PVT1: variants seen among roughly 807,000 people sequenced by gnomAD.
PVT1 encodes the protein Pvt1 oncogene.
chr8:128,038,271 G>A (rs1213103677), intron 4 of PVT1, among the ~76,000 whole-genome samples: 1 of 152,148 alleles, frequency 6.6e-6, no homozygotes, highest in East Asian at 1.9e-4. Context: ...GTTTCTTTGA[G>A]CTCCACATTT....
chr8:127,899,413 G>C (rs904087023), intron 3 of PVT1, among the ~76,000 whole-genome samples: 3 of 152,230 alleles, frequency 2.0e-5, no homozygotes, highest in Non-Finnish European at 4.4e-5. Flanking sequence ...CTTTGTGACT[G>C]TCCTAGTTTC....
At chr8:127,959,829 G>T (rs1816617754) in intron 3 of PVT1, among the ~76,000 whole-genome samples, 1 of 152,134 alleles carries the variant, frequency 6.6e-6, no homozygotes, top group South Asian at 2.1e-4. Context: ...GAGCCCCTGG[G>T]TGGCTTGCAC....
At chr8:127,985,976 G>A (rs1816965728) in intron 3 of PVT1, among the ~76,000 whole-genome samples, 1 of 152,176 alleles carries the variant, frequency 6.6e-6, no homozygotes, top group Non-Finnish European at 1.5e-5. Context: ...CACTGCCTGG[G>A]CCACGTTCTG....
At chr8:128,064,109 G>A (rs1004460424) in intron 4 of PVT1, among the ~76,000 whole-genome samples, 2 of 152,166 alleles carry the variant, frequency 1.3e-5, no homozygotes, top group African/African-American at 2.4e-5. Context: ...GGGTGACAGC[G>A]CTATTGATAG....
intron 4 of PVT1, among the ~76,000 whole-genome samples, chr8:128,040,921 T>G (rs2130087131): frequency 6.6e-6 from 1 of 152,066 alleles, no homozygotes; most frequent in South Asian, 2.1e-4. Context: ...TGCATATGTG[T>G]GTGTGCTTGT....
chr8:127,831,095 A>G (rs1045812459), intron 2 of PVT1, among the ~76,000 whole-genome samples: 2 of 151,444 alleles, frequency 1.3e-5, no homozygotes, highest in Non-Finnish European at 2.9e-5. Context: ...TCCTCTTTAT[A>G]TACATACGTG....
intron 3 of PVT1, among the ~76,000 whole-genome samples, chr8:127,929,583 G>A (rs1429106853): frequency 1.3e-5 from 2 of 152,244 alleles, no homozygotes; most frequent in African/African-American, 2.4e-5. Context: ...TGGCTAACAC[G>A]GTGAAACCCC....
At chr8:128,014,753 G>T (rs1817352492) in intron 4 of PVT1, among the ~76,000 whole-genome samples, 1 of 152,176 alleles carries the variant, frequency 6.6e-6, no homozygotes, top group Non-Finnish European at 1.5e-5. Flanking sequence ...GTTCTAGATG[G>T]ACTGAACCTG....
intron 3 of PVT1, among the ~76,000 whole-genome samples, chr8:127,935,103 A>T (rs1816256565): frequency 6.6e-6 from 1 of 152,010 alleles, no homozygotes; most frequent in Non-Finnish European, 1.5e-5. Context: ...AGTAGCTGGG[A>T]TTACAGGCAT....
intron 3 of PVT1, among the ~76,000 whole-genome samples, chr8:127,968,350 T>A (rs530497187): frequency 1.3e-5 from 2 of 150,954 alleles, no homozygotes; most frequent in South Asian, 4.2e-4. Flanking sequence ...GCCTGTTGAG[T>A]GTAGAGTGCT....
At chr8:127,832,537 T>C (rs1324942199) in intron 2 of PVT1, among the ~76,000 whole-genome samples, 1 of 152,216 alleles carries the variant, frequency 6.6e-6, no homozygotes, top group Non-Finnish European at 1.5e-5. Flanking sequence ...GAGTTCTATG[T>C]CACTAGAGGT....
chr8:128,009,592 C>T (rs1325904309), intron 4 of PVT1: 1 of 152,066 alleles, frequency 6.6e-6, no homozygotes, highest in Non-Finnish European at 1.5e-5. Context: ...TACCATAGGC[C>T]AACAGAGATT....
chr8:127,796,333 G>T (rs1814396165), intron 2 of PVT1, among the ~76,000 whole-genome samples: 1 of 151,962 alleles, frequency 6.6e-6, no homozygotes, highest in Non-Finnish European at 1.5e-5. Flanking sequence ...GTGTTTCTGT[G>T]GCTGGAGCTT....
intron 4 of PVT1, among the ~76,000 whole-genome samples, chr8:128,043,602 T>G (rs1813571842): frequency 6.6e-6 from 1 of 152,194 alleles, no homozygotes; most frequent in Non-Finnish European, 1.5e-5. Flanking sequence ...ACCTGCTGTC[T>G]CTGGCTCTGT....
At chr8:127,809,077 A>G (rs1288554327) in intron 2 of PVT1, among the ~76,000 whole-genome samples, 1 of 151,780 alleles carries the variant, frequency 6.6e-6, no homozygotes, top group Admixed American at 6.6e-5. Context: ...AAGAAAAAGA[A>G]AAGGACTTCT....
chr8:128,046,592 A>C (rs1302601560), intron 4 of PVT1, among the ~76,000 whole-genome samples: 1 of 152,216 alleles, frequency 6.6e-6, no homozygotes, highest in Non-Finnish European at 1.5e-5. Flanking sequence ...TCTGGAGCCT[A>C]CACAGCCCCC....
At chr8:127,872,667 G>A (rs947217067) in intron 2 of PVT1, among the ~76,000 whole-genome samples, 4 of 152,212 alleles carry the variant, frequency 2.6e-5, no homozygotes, top group African/African-American at 9.6e-5. Context: ...CCTTTCCGTA[G>A]AATGTCATGC....
At chr8:127,962,705 T>C (rs1426302196) in intron 3 of PVT1, among the ~76,000 whole-genome samples, 1 of 152,164 alleles carries the variant, frequency 6.6e-6, no homozygotes, top group Admixed American at 6.6e-5. Context: ...CAAGTGATTC[T>C]GCTGTCTCAG....
rs189670105 is a variant in PVT1 at position 127,915,931 on chromosome 8, G to A, written n.782+24933G>A. 7.2e-5 allele frequency among the ~76,000 whole-genome samples: 11 copies of A among 152,368 alleles called. No individual in the cohort carries two copies. In the East Asian group the frequency reaches 2.1e-3, roughly 29 times the overall value. On this transcript the variant is annotated intron_variant and non_coding_transcript_variant, in intron 3 of 10. Transcript: ENST00000651587. ...CTGACCCTGAAGAGCCCAGATCTAT[G>A]TCTTTTCATGCAACCTTGCCCTGTG...
Sources: allele counts gnomAD v4.1 joint callset (sites outside exome capture counted in the v4.1 genomes callset), GRCh38; gene constraint gnomAD v4.1.1; transcripts MANE v1.5; gene names NCBI Gene and HGNC (gene_info 2026-07-23, HGNC 2026-07-21).